ZFHX3: variants seen among roughly 807,000 people sequenced by gnomAD.
ZFHX3 encodes the protein zinc finger homeobox protein 3.
ZFHX3 carries 42 observed loss-of-function variants against 279.1 expected under a neutral mutation model. The ratio of observed to expected loss-of-function variants is 0.15; its 90% confidence interval spans 0.12 to 0.19. The LOEUF (loss-of-function observed/expected upper bound fraction) is 0.19. ZFHX3 is among the 10% of genes least tolerant of loss of function. The pLI, the probability that ZFHX3 is intolerant of heterozygous loss-of-function variation, is 1.00. For synonymous variants in ZFHX3, 2,293 were observed against 1,957.8 expected (o/e 1.17, Z -4.52); for missense variants, 4,981 against 4,754.0 (o/e 1.05, Z -1.40).
intron 2 of ZFHX3, among the ~76,000 whole-genome samples, chr16:72,956,039 C>T (rs1043114419): frequency 6.6e-6 from 1 of 152,156 alleles, no homozygotes; most frequent in African/African-American, 2.4e-5. Flanking sequence ...TTTCAAATAC[C>T]CTCAAATCAT....
At position 73,767,327 on chromosome 16, in the gene ZFHX3, A is replaced by T. The variant is rs907409165; in HGVS notation, c.-1607-87087T>A. ...TTGTCCATAATAATGCTTTATCAAG[A>T]ATACATTCATGCTCAGCAGAAGAAT... On this transcript the variant is annotated intron_variant, in intron 1 of 17. Coordinates refer to the ZFHX3 transcript ENST00000641206. Among the ~76,000 whole-genome samples, 6 of 152,274 alleles carry T rather than the reference A, an allele frequency of 3.9e-5. No individual in the cohort carries two copies. In the East Asian group the frequency reaches 1.2e-3, roughly 29 times the overall value.
chr16:73,730,352 C>CAAAAAAAAAA (rs66477968), intron 1 of ZFHX3, among the ~76,000 whole-genome samples: 17 of 81,152 alleles, frequency 2.1e-4, no homozygotes, highest in African/African-American at 5.1e-4. Context: ...CCTCCCCTCG[C>CAAAAAAAAAA]AAAAAAAAAA....
intron 2 of ZFHX3, among the ~76,000 whole-genome samples, chr16:73,458,886 G>T: frequency 6.6e-6 from 1 of 152,192 alleles, no homozygotes; most frequent in Non-Finnish European, 1.5e-5. Flanking sequence ...TGAAACCTCC[G>T]TACGATGACA....
chr16:73,722,072 A>G (rs1180495304), intron 1 of ZFHX3, among the ~76,000 whole-genome samples: 3 of 152,088 alleles, frequency 2.0e-5, no homozygotes, highest in Non-Finnish European at 4.4e-5. Flanking sequence ...ACAAAACAGA[A>G]CATTATTCAT....
At chr16:73,316,403 C>T (rs1364007645) in intron 4 of ZFHX3, among the ~76,000 whole-genome samples, 2 of 152,120 alleles carry the variant, frequency 1.3e-5, no homozygotes, top group East Asian at 1.9e-4. Flanking sequence ...TCACCCCCAA[C>T]ACTCTTGACT....
chr16:73,259,248 T>C (rs1240443692), intron 4 of ZFHX3, among the ~76,000 whole-genome samples: 1 of 152,220 alleles, frequency 6.6e-6, no homozygotes, highest in Non-Finnish European at 1.5e-5. Flanking sequence ...TTCAACTTTA[T>C]TAGATATTGC....
In ZFHX3 at chr16:73,706,194, C is replaced by G. The variant is rs1039770415; in HGVS notation, c.-1607-25954G>C. ...AAGAAATCGTTGTTGGGTGTGGATG[C>G]TCACATCTGTAATCCCAGCACTTTG... is the stretch of plus-strand genomic sequence containing the variant. On this transcript the variant is annotated intron_variant, in intron 1 of 17. Transcript: ENST00000641206. Among the ~76,000 whole-genome samples the G allele has an allele frequency of 3.9e-5, 6 of 152,240 alleles. No homozygotes were observed. The East Asian group carries it at 1.2e-3, about 29-fold the overall frequency.
chr16:73,681,324 CG>C (rs1319912515), intron 1 of ZFHX3, among the ~76,000 whole-genome samples: 1 of 152,134 alleles, frequency 6.6e-6, no homozygotes, highest in Non-Finnish European at 1.5e-5. Context: ...TAAGAATGAT[CG>C]TCCAAAGCGA....
At chr16:73,320,510 C>G (rs2015554281) in intron 3 of ZFHX3, among the ~76,000 whole-genome samples, 1 of 152,196 alleles carries the variant, frequency 6.6e-6, no homozygotes. Context: ...CTTTGGAAAT[C>G]GGGTTTCCTG....
chr16:73,739,354 A>G (rs1272193264), intron 1 of ZFHX3, among the ~76,000 whole-genome samples: 1 of 152,172 alleles, frequency 6.6e-6, no homozygotes, highest in African/African-American at 2.4e-5. Flanking sequence ...TGAGCTGGTT[A>G]TTCTTTGTCG....
chr16:73,617,834 C>A (rs578157110), intron 2 of ZFHX3, among the ~76,000 whole-genome samples: 12 of 152,200 alleles, frequency 7.9e-5, no homozygotes, highest in African/African-American at 2.4e-4. Context: ...AGGAAAATGA[C>A]AACGCCTCCC....
At chr16:73,743,599 G>A (rs1216790283) in intron 1 of ZFHX3, among the ~76,000 whole-genome samples, 2 of 152,036 alleles carry the variant, frequency 1.3e-5, no homozygotes, top group African/African-American at 4.8e-5. Context: ...AAGTATGACA[G>A]CTAAAAATTT....
At chr16:73,351,283 A>G (rs2016236502) in intron 3 of ZFHX3, among the ~76,000 whole-genome samples, 1 of 152,210 alleles carries the variant, frequency 6.6e-6, no homozygotes, top group African/African-American at 2.4e-5. Context: ...GGGAGAGGTC[A>G]CCGCACTGGG....
rs143499839 is a variant in ZFHX3, at chr16:73,860,646, C to T, written c.-1608+31005G>A. 1.5e-3 allele frequency among the ~76,000 whole-genome samples: 231 copies of T among 152,306 alleles called. 1 individual carries two copies. The highest frequency in any genetic ancestry group is 2.8e-3 in the Non-Finnish European group (188 of 68,028). Reference sequence around the variant, plus strand: ...ACTTATATCTTGGTAGAAAGGAAAACGTGAAACAAAGCAGACACTTCACCT... The same window carrying T: ...ACTTATATCTTGGTAGAAAGGAAAATGTGAAACAAAGCAGACACTTCACCT... On this transcript the variant is annotated intron_variant, in intron 1 of 17. Coordinates refer to the ZFHX3 transcript ENST00000641206.
intron 2 of ZFHX3, among the ~76,000 whole-genome samples, chr16:73,598,037 G>C (rs78646628): frequency 6.6e-6 from 1 of 152,160 alleles, no homozygotes; most frequent in Non-Finnish European, 1.5e-5. Context: ...CTCTTCATGA[G>C]GGGGTACTTC....
chr16:73,337,738 A>T (rs778670540), intron 3 of ZFHX3, among the ~76,000 whole-genome samples: 6 of 151,492 alleles, frequency 4.0e-5, no homozygotes, highest in Non-Finnish European at 8.8e-5. Context: ...CTAGGTCCCC[A>T]CTGTACTGGT....
At chr16:72,856,669 C>CCT (rs1448173776) in intron 4 of ZFHX3, among the ~76,000 whole-genome samples, 1 of 152,160 alleles carries the variant, frequency 6.6e-6, no homozygotes, top group African/African-American at 2.4e-5. Flanking sequence ...ATGGAAAACT[C>CCT]CTCTGTGGCT....
chr16:73,772,830 A>G (rs566855048), intron 1 of ZFHX3, among the ~76,000 whole-genome samples: 1 of 152,348 alleles, frequency 6.6e-6, no homozygotes, highest in East Asian at 1.9e-4. Flanking sequence ...TTACTACCGC[A>G]TATCAGACAC....
At chr16:72,992,654 G>A (rs1963135596) in intron 1 of ZFHX3, among the ~76,000 whole-genome samples, 1 of 152,148 alleles carries the variant, frequency 6.6e-6, no homozygotes, top group South Asian at 2.1e-4. Context: ...AATTAAAGTG[G>A]CACCCATGTA....
Sources: gnomAD v4.1 joint callset for allele counts (sites outside exome capture counted in the v4.1 genomes callset) on GRCh38, gnomAD v4.1.1 for gene constraint, MANE v1.5 for transcripts, NCBI Gene and HGNC (gene_info 2026-07-23, HGNC 2026-07-21) for gene names.